Variants in SOD2 observed in about 807,000 individuals in gnomAD.
SOD2 encodes the protein superoxide dismutase 2, also known as superoxide dismutase [Mn], mitochondrial.
In SOD2, 11 loss-of-function variants were observed where a neutral mutation model predicts 27.0. The observed-to-expected ratio is 0.41, with a 90% CI of 0.26 to 0.67. The LOEUF is 0.67. SOD2 is among the 30% of genes least tolerant of loss of function. The pLI is 0.34. For synonymous variants in SOD2, 105 were observed against 103.0 expected (o/e 1.02, Z -0.12); for missense variants, 250 against 274.5 (o/e 0.91, Z 0.63).
At chr6:159,703,081 G>A (rs1777556468) in intron 1 of SOD2, among the ~76,000 whole-genome samples, 2 of 152,134 alleles carry the variant, frequency 1.3e-5, no homozygotes, top group East Asian at 1.9e-4. Context: ...TTTGAAGGCC[G>A]AGGTGGGCAG....
upstream of SOD2, among the ~76,000 whole-genome samples, chr6:159,728,746 C>T (rs1778383450): frequency 6.6e-6 from 1 of 152,192 alleles, no homozygotes; most frequent in Non-Finnish European, 1.5e-5. Flanking sequence ...AGATTGCAGT[C>T]CGCAAAGCTG....
chr6:159,710,410 C>T (rs1477532750), intron 1 of SOD2, among the ~76,000 whole-genome samples: 1 of 151,854 alleles, frequency 6.6e-6, no homozygotes, highest in Non-Finnish European at 1.5e-5. Flanking sequence ...GATCGTGCCA[C>T]TGCACTCCAA....
chr6:159,761,662 C>T (rs1191519391), exon 1 of SOD2: 2 of 435,754 alleles, frequency 4.6e-6, no homozygotes, highest in South Asian at 1.6e-5. Flanking sequence ...GTCTTTGTCA[C>T]CCCCCAGTCT....
At chr6:159,714,176 T>C (rs1232484135) in intron 1 of SOD2, among the ~76,000 whole-genome samples, 2 of 152,234 alleles carry the variant, frequency 1.3e-5, no homozygotes, top group East Asian at 1.9e-4. Flanking sequence ...CTGACTTCTC[T>C]GTGCCTCTGC....
chr6:159,762,089 T>C, exon 1 of SOD2: 2 of 1,612,902 alleles, frequency 1.2e-6, no homozygotes, highest in Non-Finnish European at 1.7e-6. Flanking sequence ...AGAAGCAAGA[T>C]GAATGCAGGC....
At chr6:159,760,988 A>G (rs1780112257) in intron 1 of SOD2, 1 of 152,060 alleles carries the variant, frequency 6.6e-6, no homozygotes, top group South Asian at 2.0e-4. Flanking sequence ...ACTGTTATGC[A>G]ATTTTTTTCC....
In SOD2 at chr6:159,692,820, T is replaced by C. The variant is rs758729654; in HGVS notation, c.67A>G (p.Arg23Gly). ...AGGTCGGGGAGGCTGTGCTTCTGCC[T>C]GGAGCCCAGATACCCCAAAACCGGA... ...LAPVLGYLGS[R>G]QKHSLPDLPY... The change falls in exon 2 of 5, where the codon AGG (arginine) becomes GGG (glycine). Residue 23 changes from arginine (R) to glycine (G), a missense_variant. Transcript: ENST00000538183. 1.9e-5 allele frequency: 30 copies of C among 1,613,604 alleles called. No individual in the cohort carries two copies. Among genetic ancestry groups the C allele is most frequent in the Non-Finnish European group, 2.5e-5 (29 of 1,179,902 alleles).
At chr6:159,758,273 C>G (rs1780055840) in intron 1 of SOD2, among the ~76,000 whole-genome samples, 2 of 150,682 alleles carry the variant, frequency 1.3e-5, no homozygotes, top group African/African-American at 4.9e-5. Context: ...AAAAAAACCA[C>G]AGACTGGGTG....
At chr6:159,697,282 G>GT (rs532780267), upstream of SOD2, among the ~76,000 whole-genome samples, 61 of 152,008 alleles carry the variant, frequency 4.0e-4, 1 homozygote, top group African/African-American at 1.4e-3. Context: ...GGTTTGTGGG[G>GT]TTTTTTTCTG....
exon 1 of SOD2, chr6:159,762,144 T>C (rs201462420): frequency 3.2e-5 from 51 of 1,610,042 alleles, no homozygotes; most frequent in Non-Finnish European, 4.2e-5. Flanking sequence ...CCATCATAGG[T>C]GAGTGGCCGG....
chr6:159,681,274 TGA>T lies in SOD2; in HGVS notation c.*1217_*1218del, dbSNP rs1779951392. ...CGCCCCGAGAAGGAAACCAGCAAGCTGATAAGCAAGAAGGTCATAACAGTTTC... is the reference window on the plus strand; with the variant it reads ...CGCCCCGAGAAGGAAACCAGCAAGCTTAAGCAAGAAGGTCATAACAGTTTC... On this transcript the variant is annotated 3_prime_UTR_variant, in exon 5 of 5. Coordinates refer to ENST00000538183, the MANE Select transcript of SOD2 (RefSeq NM_000636.4). 6.6e-6 allele frequency: 1 copy of T among 150,910 alleles called. No homozygotes were observed. Among genetic ancestry groups the T allele is most frequent in the Non-Finnish European group, 1.5e-5 (1 of 67,734 alleles). The allele number at this position is 150,910 out of a possible 1,614,324, so 9.3% of individuals were successfully genotyped here.
chr6:159,684,236 T>A (rs887346272), intron 4 of SOD2, among the ~76,000 whole-genome samples: 1 of 152,170 alleles, frequency 6.6e-6, no homozygotes, highest in African/African-American at 2.4e-5. Context: ...TTCCTCACTC[T>A]TGTTCTATAG....
upstream of SOD2, among the ~76,000 whole-genome samples, chr6:159,730,183 T>TA (rs1170381400): frequency 6.6e-6 from 1 of 152,216 alleles, no homozygotes; most frequent in Non-Finnish European, 1.5e-5. Flanking sequence ...ACCTAATGAC[T>TA]AACAGTCATT....
upstream of SOD2, among the ~76,000 whole-genome samples, chr6:159,697,034 G>GACACACACACACAC (rs35334577): frequency 2.6e-3 from 342 of 132,708 alleles, 1 homozygote; most frequent in South Asian, 3.4e-3. Flanking sequence ...AGGAGACCCT[G>GACACACACACACAC]ACACACACAC....
chr6:159,711,391 G>A (rs370221932), intron 1 of SOD2, among the ~76,000 whole-genome samples: 198 of 7,174 alleles, frequency 0.028, 13 homozygotes, highest in Middle Eastern at 0.071. Context: ...CACCATAACC[G>A]CCTCCACAAC....
intron 1 of SOD2, among the ~76,000 whole-genome samples, chr6:159,734,140 A>G (rs1325476909): frequency 3.3e-5 from 5 of 152,156 alleles, no homozygotes; most frequent in Non-Finnish European, 5.9e-5. Flanking sequence ...TCTCAAAATC[A>G]AGTGGGAGAA....
At chr6:159,718,275 G>C (rs574236956) in intron 1 of SOD2, among the ~76,000 whole-genome samples, 2 of 152,078 alleles carry the variant, frequency 1.3e-5, no homozygotes, top group Admixed American at 1.3e-4. Context: ...TGGGATTACA[G>C]GTATAAGCCA....
intron 1 of SOD2, chr6:159,755,533 A>C: frequency 6.2e-7 from 1 of 1,614,202 alleles, no homozygotes; most frequent in Non-Finnish European, 8.5e-7. Context: ...TGAGTGGGAA[A>C]GGTAATCGAA....
rs1056159918 is a variant in SOD2, at chr6:159,679,177, G to A, written c.*3316C>T. 3.3e-5 allele frequency: 5 copies of A among 152,164 alleles called. No homozygotes were observed. The highest frequency in any genetic ancestry group is 1.2e-4 in the African/African-American group (5 of 41,424). 9.4% of individuals were successfully genotyped at this position (152,164 alleles called of 1,614,324 possible). On this transcript the variant is annotated 3_prime_UTR_variant, in exon 5 of 5. Coordinates refer to ENST00000538183, the MANE Select transcript of SOD2 (RefSeq NM_000636.4). Reference sequence around the variant, plus strand: ...AACTTCACACAATTGGAAAATAAATGTTTCTTCAATGAATAATCAAACAAA... The same window carrying A: ...AACTTCACACAATTGGAAAATAAATATTTCTTCAATGAATAATCAAACAAA...
Sources: allele counts gnomAD v4.1 joint callset (sites outside exome capture counted in the v4.1 genomes callset), GRCh38; gene constraint gnomAD v4.1.1; transcripts MANE v1.5; gene names NCBI Gene and HGNC (gene_info 2026-07-23, HGNC 2026-07-21).